IFITM5: variants seen among roughly 807,000 people sequenced by gnomAD.
The protein encoded by IFITM5 is interferon-induced transmembrane protein 5.
IFITM5 carries 10 observed loss-of-function variants against 9.2 expected under a neutral mutation model. The observed-to-expected ratio is 1.09, with a 90% CI of 0.67 to 1.85. IFITM5 has a LOEUF of 1.85. IFITM5 is among the 40% of genes most tolerant of loss of function. The probability of loss-of-function intolerance (pLI) is 0.00; values close to 1 mark genes in which losing one functional copy is unlikely to be tolerated. For synonymous variants in IFITM5, 93 were observed against 86.6 expected (o/e 1.07, Z -0.41); for missense variants, 225 against 182.6 (o/e 1.23, Z -1.34).
rs112478479 is a variant in IFITM5 at position 298,562 on chromosome 11, C to G, written c.338G>C (p.Arg113Pro). Residue 113 changes from arginine to proline, a missense_variant, in exon 2 of 2, where the codon CGG becomes CCG. Coordinates refer to ENST00000382614, the MANE Select transcript of IFITM5 (RefSeq NM_001025295.3). ...LVVTGALHLA[R>P]LAKDSAAFFS... is the part of the protein sequence containing the mutation. ...GAAGGCGGCAGAGTCCTTGGCCAGCCGGGCCAGGTGCAGGGCACCAGTCAC... is the reference window on the plus strand; with the variant it reads ...GAAGGCGGCAGAGTCCTTGGCCAGCGGGGCCAGGTGCAGGGCACCAGTCAC... 6.8e-6 allele frequency: 11 copies of G among 1,613,162 alleles called. No homozygotes were observed. In the African/African-American group the frequency reaches 1.5e-4, roughly 22 times the overall value.
chr11:299,161 C>T, intron 1 of IFITM5, 144 bp downstream of exon 1: 2 of 684,336 alleles, frequency 2.9e-6, no homozygotes, highest in South Asian at 2.0e-5. Context: ...GCTGTGCCCA[C>T]AGAGCCCCTC....
Position 298,423 on chromosome 11 carries a change from G to A in IFITM5, c.*78C>T. 2.1e-6 allele frequency: 3 copies of A among 1,461,414 alleles called. No homozygotes were observed. Among genetic ancestry groups the A allele is most frequent in the Admixed American group, 2.0e-5 (1 of 49,188 alleles). 90.5% of individuals were successfully genotyped at this position (1,461,414 alleles called of 1,614,324 possible). ...CACAGAAGGAGGGCCAGGCTCCGGG[G>A]AGTCAGTATTGGGCCCCAGGGGCAG... On this transcript the variant is annotated 3_prime_UTR_variant, in exon 2 of 2. Transcript: ENST00000382614.
intron 1 of IFITM5, 137 bp from the exon 2 acceptor site, chr11:298,850 A>G (rs1451109786): frequency 1.2e-6 from 1 of 862,728 alleles, no homozygotes; most frequent in Non-Finnish European, 1.8e-6. Context: ...GCCTGAGGAG[A>G]TACTCCTTGG....
At chr11:299,247 C>G in intron 1 of IFITM5, 58 bp downstream of exon 1, 2 of 1,403,728 alleles carry the variant, frequency 1.4e-6, no homozygotes, top group Non-Finnish European at 9.6e-7. Context: ...TCCCCCTTCC[C>G]CCCACCTTGA....
intron 1 of IFITM5, 122 bp from the exon 2 acceptor site, chr11:298,835 G>T: frequency 1.0e-6 from 1 of 966,206 alleles, no homozygotes; most frequent in Non-Finnish European, 1.5e-6. Context: ...GGATGGAGGG[G>T]TGTGGCCTGA....
chr11:298,545 C>T lies in IFITM5; in HGVS notation c.355G>A (p.Ala119Thr). 6.2e-7 allele frequency: 1 copy of T among 1,612,830 alleles called. No homozygotes were observed. Among genetic ancestry groups the T allele is most frequent in the Non-Finnish European group, 8.5e-7 (1 of 1,179,940 alleles). Residue 119 changes from alanine to threonine, a missense_variant, in exon 2 of 2, where the codon GCC (alanine) becomes ACC (threonine). Physicochemically the swap from Ala to Thr is moderately conservative, Grantham distance 58 (BLOSUM62 0). Transcript: ENST00000382614. ...TCAAACTTGGTGCTGAAGAAGGCGG[C>T]AGAGTCCTTGGCCAGCCGGGCCAGG... ...LHLARLAKDS[A>T]AFFSTKFDDA...
rs766631084 is a variant in IFITM5, at chr11:299,360, G to A, written c.131C>T (p.Thr44Ile). Reference protein sequence around the residue: ...RDHLIWSVFSTLYLNLCCLGF... With the variant: ...RDHLIWSVFSILYLNLCCLGF... The stretch of plus-strand genomic sequence containing the variant: ...GAGGCAACACAGATTCAGGTAGAGG[G>A]TGCTGAACACCGACCAGATCAAGTG... Residue 44 changes from threonine (T) to isoleucine (I), a missense_variant, in exon 1 of 2, where the codon ACC (threonine) becomes ATC (isoleucine). Transcript: ENST00000382614. The A allele has an allele frequency of 1.9e-6, 3 of 1,601,096 alleles. No individual in the cohort carries two copies. Among genetic ancestry groups the A allele is most frequent in the South Asian group, 1.1e-5 (1 of 89,046 alleles).
In IFITM5 at chr11:298,453, C is replaced by T. The variant is rs542357131; in HGVS notation, c.*48G>A. On this transcript the variant is annotated 3_prime_UTR_variant, in exon 2 of 2. Transcript: ENST00000382614. ...AGTATTGGGCCCCAGGGGCAGCAGC[C>T]TGGGGTCAGTGTCCTGGGGCTAGTG... The T allele has an allele frequency of 1.3e-6, 2 of 1,573,828 alleles. No individual in the cohort carries two copies. The highest frequency in any genetic ancestry group is 2.3e-5 in the East Asian group (1 of 43,320).
rs1309310148 is a variant in IFITM5, at chr11:298,667, A to G, written c.233T>C (p.Phe78Ser). The G allele has an allele frequency of 6.2e-7, 1 of 1,613,546 alleles. No homozygotes were observed. The highest frequency in any genetic ancestry group is 8.5e-7 in the Non-Finnish European group (1 of 1,179,984). Residue 78 changes from phenylalanine to serine, a missense_variant, in exon 2 of 2, where the codon TTT (phenylalanine) becomes TCT (serine). Physicochemically the swap from Phe to Ser is radical, Grantham distance 155. Coordinates refer to ENST00000382614, the MANE Select transcript of IFITM5 (RefSeq NM_001025295.3). Reference sequence around the variant, plus strand: ...GTTGTAGCACTTGGCTTTGGAGCCAAAACGCCGGGCCGCTTCCAGGTCACC... The same window carrying G: ...GTTGTAGCACTTGGCTTTGGAGCCAGAACGCCGGGCCGCTTCCAGGTCACC... ...VVGDLEAARR[F>S]GSKAKCYNIL...
At position 298,581 on chromosome 11, in the gene IFITM5, C is replaced by CA. The variant is rs1283025810; in HGVS notation, c.318dup (p.Gly107TrpfsTer21). On this transcript the variant is annotated frameshift_variant, in exon 2 of 2. Coordinates refer to ENST00000382614, the MANE Select transcript of IFITM5 (RefSeq NM_001025295.3). LOFTEE classifies it high-confidence loss of function. ...GCCAGCCGGGCCAGGTGCAGGGCAC[C>CA]AGTCACCACCAGCCCCAGGAGCAGC... 1.2e-6 allele frequency: 2 copies of CA among 1,613,394 alleles called. No homozygotes were observed. The highest frequency in any genetic ancestry group is 1.7e-6 in the Non-Finnish European group (2 of 1,179,984).
At position 298,598 on chromosome 11, in the gene IFITM5, A is replaced by G; in HGVS notation, c.302T>C (p.Leu101Pro). Residue 101 changes from leucine to proline, a missense_variant, in exon 2 of 2, where the codon CTG (leucine) becomes CCG (proline). Coordinates refer to ENST00000382614, the MANE Select transcript of IFITM5 (RefSeq NM_001025295.3). The part of the protein sequence containing the change: ...MWTLVPPLLL[L>P]GLVVTGALHL... ...CAGGGCACCAGTCACCACCAGCCCC[A>G]GGAGCAGCAGTGGCGGCACCAGCGT... The G allele has an allele frequency of 6.2e-7, 1 of 1,613,664 alleles. No homozygotes were observed. Among genetic ancestry groups the G allele is most frequent in the Non-Finnish European group, 8.5e-7 (1 of 1,180,002 alleles).
At chr11:298,749 T>G in intron 1 of IFITM5, 36 bp from the exon 2 acceptor site, 1 of 1,591,950 alleles carries the variant, frequency 6.3e-7, no homozygotes, top group Non-Finnish European at 8.6e-7. Context: ...CAGATCTCTA[T>G]GTGTCCTCGG....
chr11:299,412 C>G lies in IFITM5; in HGVS notation c.79G>C (p.Gly27Arg). 1 of 1,557,516 alleles carries G rather than the reference C, an allele frequency of 6.4e-7. No homozygotes were observed. The change falls in exon 1 of 2, where the codon GGG becomes CGG. Residue 27 changes from glycine (G) to arginine (R), a missense_variant. Coordinates refer to ENST00000382614, the MANE Select transcript of IFITM5 (RefSeq NM_001025295.3). ...KAGAHTALTL[G>R]APHPPPRDHL... ...TCTCGAGGCGGGGGGTGCGGGGCCC[C>G]CAGTGTGAGGGCTGTGTGGGCACCG...
intron 1 of IFITM5, among the ~76,000 whole-genome samples, 158 bp from the exon 2 acceptor site, chr11:298,871 A>G (rs578108064): frequency 2.0e-5 from 3 of 152,178 alleles, no homozygotes; most frequent in East Asian, 1.9e-4. Flanking sequence ...GGCCCCAGCT[A>G]TGGACCCGGG....
chr11:298,793 C>T (rs770324603), intron 1 of IFITM5, 80 bp from the exon 2 acceptor site: 32 of 1,367,696 alleles, frequency 2.3e-5, no homozygotes, highest in Non-Finnish European at 3.0e-5. Context: ...ACACCCTGGG[C>T]ACCTGGAAGG....
At position 298,486 on chromosome 11, in the gene IFITM5, T is replaced by C; in HGVS notation, c.*15A>G. 1.9e-6 allele frequency: 3 copies of C among 1,606,630 alleles called. No homozygotes were observed. On this transcript the variant is annotated 3_prime_UTR_variant, in exon 2 of 2. Transcript: ENST00000382614. ...AGTGTCCTGGGGCTAGTGCCCCAGA[T>C]CAGGACCCAGCCTGTCAGTCATAGT...
In IFITM5 at chr11:298,406, G is replaced by C; in HGVS notation, c.*95C>G. 4 of 1,326,832 alleles carry C rather than the reference G, an allele frequency of 3.0e-6. No individual in the cohort carries two copies. In the South Asian group the frequency reaches 4.1e-5, roughly 14 times the overall value. 82.2% of individuals were successfully genotyped at this position (1,326,832 alleles called of 1,614,324 possible). A position where few individuals can be genotyped will look rare whatever the true frequency, so the allele number is the denominator to read the frequency against. ...GGCAGGGATGGAGGCCCCACAGAAG[G>C]AGGGCCAGGCTCCGGGGAGTCAGTA... is the stretch of plus-strand genomic sequence containing the variant. On this transcript the variant is annotated 3_prime_UTR_variant, in exon 2 of 2. Transcript: ENST00000382614.
At position 298,430 on chromosome 11, in the gene IFITM5, T is replaced by G; in HGVS notation, c.*71A>C. ...GGAGGGCCAGGCTCCGGGGAGTCAG[T>G]ATTGGGCCCCAGGGGCAGCAGCCTG... On this transcript the variant is annotated 3_prime_UTR_variant, in exon 2 of 2. Transcript: ENST00000382614. The G allele has an allele frequency of 6.7e-7, 1 of 1,498,992 alleles. No homozygotes were observed. 92.9% of individuals were successfully genotyped at this position (1,498,992 alleles called of 1,614,324 possible). A position where few individuals can be genotyped will look rare whatever the true frequency, so the allele number is the denominator to read the frequency against.
Position 298,611 on chromosome 11 carries a change from G to A in IFITM5, c.289C>T (p.Pro97Ser), listed in dbSNP as rs924524687. The change falls in exon 2 of 2, where the codon CCA becomes TCA. Residue 97 changes from proline (P) to serine (S), a missense_variant. Transcript: ENST00000382614. ...ILAAMWTLVPPLLLLGLVVTG... is the reference protein window; with the variant it reads ...ILAAMWTLVPSLLLLGLVVTG... ...ACCACCAGCCCCAGGAGCAGCAGTGGCGGCACCAGCGTCCACATCGCGGCC... is the reference window on the plus strand; with the variant it reads ...ACCACCAGCCCCAGGAGCAGCAGTGACGGCACCAGCGTCCACATCGCGGCC... 7.4e-6 allele frequency: 12 copies of A among 1,613,388 alleles called. No individual in the cohort carries two copies. The highest frequency in any genetic ancestry group is 1.0e-5 in the Non-Finnish European group (12 of 1,179,992).
Sources: allele counts gnomAD v4.1 joint callset (sites outside exome capture counted in the v4.1 genomes callset), GRCh38; gene constraint gnomAD v4.1.1; transcripts MANE v1.5; gene names NCBI Gene and HGNC (gene_info 2026-07-23, HGNC 2026-07-21).